Variants in PARVB observed in about 807,000 individuals in gnomAD.
PARVB encodes the protein parvin beta, also known as beta-parvin.
In PARVB, 46 loss-of-function variants were observed where a neutral mutation model predicts 47.0. The observed-to-expected ratio is 0.98, with a 90% CI of 0.77 to 1.25. The LOEUF (loss-of-function observed/expected upper bound fraction) is 1.25, where lower values mean the gene tolerates loss of function less well. Ranked by LOEUF, PARVB falls within the 50% of genes most tolerant of loss-of-function variation. PARVB has a pLI of 0.00. For missense variants in PARVB, 473 were observed against 471.6 expected (o/e 1.00, Z -0.03); for synonymous variants, 196 against 196.3 (o/e 1.00, Z 0.01).
Position 44,128,490 on chromosome 22 carries a change from T to C in PARVB, c.377-2997T>C, listed in dbSNP as rs553778623. Among the ~76,000 whole-genome samples the C allele has an allele frequency of 2.0e-5, 3 of 152,348 alleles. No homozygotes were observed. In the East Asian group the frequency reaches 5.8e-4, roughly 29 times the overall value. ...ATGATGCAAGTGATCATGTGCCGTA[T>C]TCTCTGTTGCACAGGAGTCACCCAA... is the stretch of plus-strand genomic sequence containing the variant. On this transcript the variant is annotated intron_variant, in intron 4 of 12. Transcript: ENST00000338758.
rs2052511103 is a variant in PARVB, at chr22:44,103,956, G to A, written c.273+3833G>A. 1 of 152,276 alleles carries A rather than the reference G, an allele frequency of 6.6e-6. No individual in the cohort carries two copies. Among genetic ancestry groups the A allele is most frequent in the African/African-American group, 2.4e-5 (1 of 41,466 alleles). The allele number at this position is 152,276 out of a possible 1,614,324, so 9.4% of individuals were successfully genotyped here. A position where few individuals can be genotyped will look rare whatever the true frequency, so the allele number is the denominator to read the frequency against. ...ACAGATTTTGGACTTTGACCTCTAG[G>A]ACTGCAAGAGAATCCACTGAGCCGT... On this transcript the variant is annotated intron_variant, in intron 3 of 12. Coordinates refer to ENST00000338758, the MANE Select transcript of PARVB (RefSeq NM_013327.5). This position sits in a 1 kb window ranked among gnomAD's most constrained non-coding sequence, Gnocchi z 4.6.
chr22:44,098,301 G>C (rs764170156), intron 2 of PARVB, among the ~76,000 whole-genome samples: 6 of 152,210 alleles, frequency 3.9e-5, no homozygotes, highest in Non-Finnish European at 5.9e-5. Flanking sequence ...GGGGGTCTCA[G>C]ACATGGGTCA....
chr22:44,153,820 C>T (rs76730983), intron 10 of PARVB, among the ~76,000 whole-genome samples: 270 of 152,266 alleles, frequency 1.8e-3, no homozygotes, highest in Middle Eastern at 6.8e-3. Flanking sequence ...GGAAGTGTAT[C>T]TCATCAGCGG....
rs1213131397 is a variant in PARVB at position 44,169,586 on chromosome 22, CAG to C, written c.*912_*913del. 1 of 150,654 alleles carries C rather than the reference CAG, an allele frequency of 6.6e-6. No homozygotes were observed. Among genetic ancestry groups the C allele is most frequent in the Non-Finnish European group, 1.5e-5 (1 of 68,068 alleles). The allele number at this position is 150,654 out of a possible 1,614,324, so 9.3% of individuals were successfully genotyped here. ...TGCCACAGGGGAGTGGCTCAGACAT[CAG>C]AGAATTACATCCTCAGGCCTTTCGC... On this transcript the variant is annotated 3_prime_UTR_variant, in exon 13 of 13. Coordinates refer to ENST00000338758, the MANE Select transcript of PARVB (RefSeq NM_013327.5).
intron 1 of PARVB, among the ~76,000 whole-genome samples, chr22:44,061,797 A>G (rs890333453): frequency 6.6e-6 from 1 of 151,840 alleles, no homozygotes; most frequent in African/African-American, 2.4e-5. Context: ...TTGTATCTTT[A>G]GTAGAGACGG....
chr22:44,157,760 T>G (rs2053966386), intron 10 of PARVB, among the ~76,000 whole-genome samples: 1 of 152,048 alleles, frequency 6.6e-6, no homozygotes, highest in South Asian at 2.1e-4. Context: ...GTGCCTGTAG[T>G]CCCAGCTACT....
chr22:44,073,199 T>C (rs1179536113), intron 1 of PARVB, among the ~76,000 whole-genome samples: 1 of 152,064 alleles, frequency 6.6e-6, no homozygotes, highest in Non-Finnish European at 1.5e-5. Context: ...AAATTTAAAG[T>C]CAGAAGTGGG....
rs942790711 is a variant in PARVB at position 44,158,225 on chromosome 22, A to T, written c.945+142A>T. 3.3e-5 allele frequency: 20 copies of T among 607,748 alleles called. 1 individual carries two copies. Among genetic ancestry groups the T allele is most frequent in the Non-Finnish European group, 5.3e-5 (18 of 341,132 alleles). The allele number at this position is 607,748 out of a possible 1,614,324, so 37.6% of individuals were successfully genotyped here. On this transcript the variant is annotated intron_variant, in intron 11 of 12. Transcript: ENST00000338758. The stretch of plus-strand genomic sequence containing the variant: ...AATGCACAAGTGATATTGCAATTAG[A>T]TGTAACTCTCAGCAAAAGAAATAAG...
intron 4 of PARVB, among the ~76,000 whole-genome samples, 155 bp downstream of exon 4, chr22:44,119,295 G>A (rs2052987075): frequency 6.6e-6 from 1 of 152,152 alleles, no homozygotes; most frequent in Admixed American, 6.6e-5. Context: ...CCAGGCCCTG[G>A]GCTGTGGCTT....
rs560799364 is a variant in PARVB, at chr22:44,133,250, A to G, written c.633+241A>G. ...TGAGGGTGTTGAGGTTTAATTTTCC[A>G]CATTTTTGAAAAGAACATTCATTTC... On this transcript the variant is annotated intron_variant, in intron 6 of 12. Transcript: ENST00000338758. Among the ~76,000 whole-genome samples, 395 of 152,274 alleles carry G rather than the reference A, an allele frequency of 2.6e-3. 3 individuals carry two copies. The highest frequency in any genetic ancestry group is 0.02 in the Middle Eastern group (6 of 294).
chr22:44,109,564 G>C (rs1278491551), intron 3 of PARVB: 1 of 152,170 alleles, frequency 6.6e-6, no homozygotes, highest in African/African-American at 2.4e-5. Flanking sequence ...GTGTGCTGTG[G>C]TATCCAGGAA....
chr22:44,088,516 G>A (rs2052086011), intron 1 of PARVB, among the ~76,000 whole-genome samples: 1 of 152,152 alleles, frequency 6.6e-6, no homozygotes, highest in African/African-American at 2.4e-5. Flanking sequence ...GTGTTGCCCA[G>A]GCTGGAGTGA....
Position 44,100,101 on chromosome 22 carries a change from C to G in PARVB, c.251C>G (p.Pro84Arg). The G allele has an allele frequency of 6.2e-7, 1 of 1,613,968 alleles. No homozygotes were observed. The highest frequency in any genetic ancestry group is 2.2e-5 in the East Asian group (1 of 44,872). The change falls in exon 3 of 13, where the codon CCC becomes CGC. Residue 84 changes from proline to arginine, a missense_variant. Physicochemically the swap from Pro to Arg is moderately radical, Grantham distance 103. Transcript: ENST00000338758. ...TMIDPTSKED[P>R]KFKELVKVLL... ...ATTGACCCCACTTCCAAGGAAGACC[C>G]CAAGTTCAAGGAACTGGTCAAGGTA...
At chr22:44,033,113 G>C (rs1418765751) in intron 1 of PARVB, among the ~76,000 whole-genome samples, 5 of 152,190 alleles carry the variant, frequency 3.3e-5, no homozygotes, top group African/African-American at 1.2e-4. Context: ...TCTTGAGACA[G>C]AGTCCTGCTC....
At chr22:44,088,411 G>T (rs1189254243) in intron 1 of PARVB, among the ~76,000 whole-genome samples, 1 of 152,042 alleles carries the variant, frequency 6.6e-6, no homozygotes, top group Admixed American at 6.6e-5. Flanking sequence ...CTGACTCTGG[G>T]GCTTCACATC....
At chr22:44,059,514 TC>T (rs2051381106) in intron 1 of PARVB, among the ~76,000 whole-genome samples, 1 of 152,210 alleles carries the variant, frequency 6.6e-6, no homozygotes, top group Non-Finnish European at 1.5e-5. Flanking sequence ...TTCATCCTGT[TC>T]CATTTGTCAG....
At chr22:44,009,573 CTA>C (rs1045099908) in intron 2 of PARVB, 1 of 150,398 alleles carries the variant, frequency 6.6e-6, no homozygotes, top group African/African-American at 2.4e-5. Flanking sequence ...ATGTAAAAAC[CTA>C]TATATATACA....
In PARVB at chr22:44,093,219, G is replaced by C. The variant is rs1026820410; in HGVS notation, c.113-709G>C. 2.0e-5 allele frequency among the ~76,000 whole-genome samples: 3 copies of C among 152,334 alleles called. No homozygotes were observed. The South Asian group carries it at 6.2e-4, about 32-fold the overall frequency. ...CCTCCCTGGTGGATGTGGCTGAAAG[G>C]CCTGCAGGGTCTCACTGGTGCAGGG... On this transcript the variant is annotated intron_variant, in intron 1 of 12. Coordinates refer to ENST00000338758, the MANE Select transcript of PARVB (RefSeq NM_013327.5).
intron 3 of PARVB, chr22:44,108,177 T>G (rs2052611351): frequency 6.6e-6 from 1 of 152,250 alleles, no homozygotes; most frequent in Non-Finnish European, 1.5e-5. Context: ...ACGCCTGGCC[T>G]GCTGTGCCTG....
Sources: allele counts gnomAD v4.1 joint callset (sites outside exome capture counted in the v4.1 genomes callset), GRCh38; gene constraint gnomAD v4.1.1; non-coding constraint Gnocchi (gnomAD v3.1); transcripts MANE v1.5; gene names NCBI Gene and HGNC (gene_info 2026-07-23, HGNC 2026-07-21).